Variants in KANK1 observed in about 807,000 individuals in gnomAD.
The protein encoded by KANK1 is KN motif and ankyrin repeat domains 1.
In KANK1, 109 loss-of-function variants were observed where a neutral mutation model predicts 106.2. The observed-to-expected ratio is 1.03, with a 90% CI of 0.88 to 1.20. KANK1 has a LOEUF of 1.20. Ranked by LOEUF, KANK1 falls within the 50% of genes most tolerant of loss-of-function variation. KANK1 has a pLI of 0.00. For missense variants in KANK1, 2,399 were observed against 1,710.7 expected (o/e 1.40, Z -7.10); for synonymous variants, 873 against 652.2 (o/e 1.34, Z -5.16).
At chr9:598,160 A>G (rs979259472) in intron 1 of KANK1, among the ~76,000 whole-genome samples, 1 of 151,744 alleles carries the variant, frequency 6.6e-6, no homozygotes. Flanking sequence ...ACCCTTGTTA[A>G]AAATCTATTG....
chr9:557,495 T>G (rs1262046390), intron 1 of KANK1, among the ~76,000 whole-genome samples: 2 of 152,202 alleles, frequency 1.3e-5, no homozygotes, highest in African/African-American at 2.4e-5. Context: ...TAAATGAACT[T>G]TAAGTGACAA....
chr9:554,295 G>A (rs2061450174), intron 1 of KANK1, among the ~76,000 whole-genome samples: 1 of 152,172 alleles, frequency 6.6e-6, no homozygotes, highest in African/African-American at 2.4e-5. Flanking sequence ...CCAAGAACCA[G>A]GTGCGCTGAT....
chr9:739,467 A>T (rs927808399), intron 8 of KANK1, among the ~76,000 whole-genome samples: 5 of 152,180 alleles, frequency 3.3e-5, no homozygotes, highest in Non-Finnish European at 5.9e-5. Context: ...CCTTTCTCTT[A>T]TAAGTGTGTT....
intron 1 of KANK1, among the ~76,000 whole-genome samples, chr9:542,281 C>G (rs986118744): frequency 1.3e-5 from 2 of 152,232 alleles, no homozygotes; most frequent in African/African-American, 4.8e-5. Context: ...AGGCAGATCA[C>G]TTGAGGTCAG....
intron 2 of KANK1, among the ~76,000 whole-genome samples, chr9:700,640 G>A (rs985931352): frequency 1.7e-4 from 26 of 152,266 alleles, no homozygotes; most frequent in African/African-American, 6.0e-4. Context: ...TGATAATTAT[G>A]TACTTCTCTA....
Position 734,766 on chromosome 9 carries a change from G to C in KANK1, c.3264G>C (p.Lys1088Asn), listed in dbSNP as rs576322906. 3 of 1,611,838 alleles carry C rather than the reference G, an allele frequency of 1.9e-6. No individual in the cohort carries two copies. The highest frequency in any genetic ancestry group is 1.1e-5 in the South Asian group (1 of 91,032). The change falls in exon 7 of 12, where the codon AAG becomes AAC. Residue 1088 changes from lysine (K) to asparagine (N), a missense_variant. Physicochemically the swap from Lys to Asn is moderately conservative, Grantham distance 94 (BLOSUM62 0). Coordinates refer to ENST00000382297, the MANE Select transcript of KANK1 (RefSeq NM_015158.5). ...CTTTCAGGTATGAATTAAGTGAAAA[G>C]ATGTTGTCTGCATGCAACTTACTGA... The part of the protein sequence containing the change: ...EIRERYELSE[K>N]MLSACNLLKN...
chr9:471,850 C>T (rs1262438381), intron 2 of KANK1, among the ~76,000 whole-genome samples: 1 of 152,154 alleles, frequency 6.6e-6, no homozygotes, highest in African/African-American at 2.4e-5. Flanking sequence ...GTTAAGCGTT[C>T]TCCTGTACTG....
At chr9:662,199 A>G (rs1329197524) in intron 1 of KANK1, among the ~76,000 whole-genome samples, 1 of 152,192 alleles carries the variant, frequency 6.6e-6, no homozygotes, top group Non-Finnish European at 1.5e-5. Flanking sequence ...ATGGAAGAAC[A>G]TTCCATGCTT....
At chr9:641,819 T>G (rs1831701181) in intron 1 of KANK1, among the ~76,000 whole-genome samples, 1 of 152,224 alleles carries the variant, frequency 6.6e-6, no homozygotes, top group African/African-American at 2.4e-5. Context: ...GACTACTTTA[T>G]TAAGGTATAA....
intron 1 of KANK1, among the ~76,000 whole-genome samples, chr9:632,911 C>G (rs12335565): frequency 0.06 from 9,070 of 152,094 alleles, 744 homozygotes; most frequent in East Asian, 0.24. Context: ...CCAGGCTGGT[C>G]TGGAACTCCT....
intron 2 of KANK1, among the ~76,000 whole-genome samples, chr9:701,919 C>T (rs1822767204): frequency 6.6e-6 from 1 of 152,198 alleles, no homozygotes; most frequent in Non-Finnish European, 1.5e-5. Flanking sequence ...AACTCCATTT[C>T]ACTTTGTTAA....
intron 1 of KANK1, among the ~76,000 whole-genome samples, chr9:601,663 A>G (rs1827782033): frequency 1.3e-5 from 2 of 151,992 alleles, no homozygotes; most frequent in Middle Eastern, 3.4e-3. Flanking sequence ...TTATAACCCA[A>G]TATTATCATC....
At chr9:666,901 C>CTTTTTTTTTTTTTTTTTT (rs35149316) in intron 1 of KANK1, among the ~76,000 whole-genome samples, 1 of 53,494 alleles carries the variant, frequency 1.9e-5, no homozygotes, top group African/African-American at 8.7e-5. Flanking sequence ...CTATTGTTGT[C>CTTTTTTTTTTTTTTTTTT]TTTTTTTTTT....
chr9:576,183 C>G (rs906816022), intron 1 of KANK1, among the ~76,000 whole-genome samples: 1 of 152,162 alleles, frequency 6.6e-6, no homozygotes, highest in Non-Finnish European at 1.5e-5. Flanking sequence ...TGTGTTTTTA[C>G]AAAGCCCTCC....
intron 2 of KANK1, among the ~76,000 whole-genome samples, chr9:700,589 C>A (rs1822421836): frequency 6.6e-6 from 1 of 152,154 alleles, no homozygotes; most frequent in Non-Finnish European, 1.5e-5. Flanking sequence ...CTTTGAACAG[C>A]AGGATGCTTA....
At position 602,724 on chromosome 9, in the gene KANK1, C is replaced by T. The variant is rs376463899; in HGVS notation, c.-83-74166C>T. Among the ~76,000 whole-genome samples, 21 of 151,910 alleles carry T rather than the reference C, an allele frequency of 1.4e-4. No individual in the cohort carries two copies. The South Asian group carries it at 4.1e-3, about 30-fold the overall frequency. Reference sequence around the variant, plus strand: ...TATAATTTTATGTGTGAAGTCTTTACGGTCAGAGGACATTGACAAAATATT... The same window carrying T: ...TATAATTTTATGTGTGAAGTCTTTATGGTCAGAGGACATTGACAAAATATT... On this transcript the variant is annotated intron_variant, in intron 1 of 11. Coordinates refer to ENST00000382297, the MANE Select transcript of KANK1 (RefSeq NM_015158.5).
At chr9:504,315 C>T (rs1269916101), upstream of KANK1, among the ~76,000 whole-genome samples, 2 of 151,900 alleles carry the variant, frequency 1.3e-5, no homozygotes, top group African/African-American at 4.8e-5. Context: ...GGAAGTTCTT[C>T]TGCTTAGTTC....
chr9:669,946 A>G (rs1392666057), intron 1 of KANK1, among the ~76,000 whole-genome samples: 4 of 151,962 alleles, frequency 2.6e-5, no homozygotes, highest in Admixed American at 6.6e-5. Flanking sequence ...TTTCTCCTCT[A>G]TGTAATTTCA....
chr9:582,919 A>C (rs1310798765), intron 1 of KANK1, among the ~76,000 whole-genome samples: 3 of 152,252 alleles, frequency 2.0e-5, no homozygotes, highest in African/African-American at 7.2e-5. Flanking sequence ...TAATGTTAGC[A>C]AAGTATCTGT....
Sources: allele counts gnomAD v4.1 joint callset (sites outside exome capture counted in the v4.1 genomes callset), GRCh38; gene constraint gnomAD v4.1.1; transcripts MANE v1.5; gene names NCBI Gene and HGNC (gene_info 2026-07-23, HGNC 2026-07-21).